The following GOLGA7B variants were observed in gnomAD, a reference collection of about 807,000 sequenced individuals.
GOLGA7B encodes the protein golgin subfamily A member 7B.
GOLGA7B carries 17 observed loss-of-function variants against 21.5 expected under a neutral mutation model. That is an observed-to-expected ratio of 0.79 (90% CI 0.54 to 1.19). The LOEUF is 1.19. GOLGA7B is among the 50% of genes most tolerant of loss of function. The pLI is 0.00. For missense variants in GOLGA7B, 169 were observed against 224.4 expected (o/e 0.75, Z 1.58); for synonymous variants, 87 against 84.0 (o/e 1.04, Z -0.19).
intron 1 of GOLGA7B, among the ~76,000 whole-genome samples, chr10:97,855,766 A>C (rs2049931439): frequency 6.6e-6 from 1 of 152,208 alleles, no homozygotes; most frequent in South Asian, 2.1e-4. Flanking sequence ...ATATTACCAA[A>C]GCATTCCTTA....
intron 1 of GOLGA7B, among the ~76,000 whole-genome samples, chr10:97,850,572 C>T (rs955909093): frequency 1.3e-5 from 2 of 152,210 alleles, no homozygotes; most frequent in Non-Finnish European, 2.9e-5. Flanking sequence ...GCTTCAGGGC[C>T]CCAGGCTGGG....
Position 97,867,759 on chromosome 10 carries a change from G to A in GOLGA7B, c.*2059G>A, listed in dbSNP as rs2050045718. On this transcript the variant is annotated 3_prime_UTR_variant, in exon 5 of 5. Transcript: ENST00000370602. ...CTTGCCCAGCGTGAAGCTCTGTGAT[G>A]CTTTCTCTGCCCCGTGACGATGGAG... The A allele has an allele frequency of 6.6e-6, 1 of 150,628 alleles. No homozygotes were observed. The highest frequency in any genetic ancestry group is 1.5e-5 in the Non-Finnish European group (1 of 67,810). 9.3% of individuals were successfully genotyped at this position (150,628 alleles called of 1,614,324 possible).
At chr10:97,857,858 A>G (rs913502004) in intron 1 of GOLGA7B, among the ~76,000 whole-genome samples, 2 of 152,212 alleles carry the variant, frequency 1.3e-5, no homozygotes, top group South Asian at 4.1e-4. Context: ...CAACATACCT[A>G]TAACCAACTG....
intron 4 of GOLGA7B, 150 bp from the exon 5 acceptor site, chr10:97,865,440 A>G: frequency 1.5e-6 from 2 of 1,331,032 alleles, no homozygotes; most frequent in Non-Finnish European, 2.0e-6. Flanking sequence ...GGGCTTGGGG[A>G]GGGTCTAGCT....
At position 97,869,444 on chromosome 10, in the gene GOLGA7B, C is replaced by T. The variant is rs553624929; in HGVS notation, c.*3744C>T. On this transcript the variant is annotated 3_prime_UTR_variant, in exon 5 of 5. Coordinates refer to ENST00000370602, the MANE Select transcript of GOLGA7B (RefSeq NM_001010917.3). ...GCCCCATCAAGACCCAGGAGCAGCT[C>T]CAGCCTCAGCCAGACTGTCCCCGAG... 2 of 152,796 alleles carry T rather than the reference C, an allele frequency of 1.3e-5. No homozygotes were observed. The highest frequency in any genetic ancestry group is 4.1e-4 in the South Asian group (2 of 4,854). The allele number at this position is 152,796 out of a possible 1,614,324, so 9.5% of individuals were successfully genotyped here.
intron 1 of GOLGA7B, among the ~76,000 whole-genome samples, chr10:97,851,436 A>G (rs1304971761): frequency 2.0e-5 from 3 of 152,164 alleles, no homozygotes; most frequent in Admixed American, 1.3e-4. Context: ...GTTGCTTGGC[A>G]TTGCTTGGCA....
chr10:97,862,779 G>A (rs754849938), intron 2 of GOLGA7B, among the ~76,000 whole-genome samples: 2 of 152,156 alleles, frequency 1.3e-5, no homozygotes, highest in Non-Finnish European at 2.9e-5. Flanking sequence ...AGGGGAGGAT[G>A]TCACGGGGGT....
intron 1 of GOLGA7B, among the ~76,000 whole-genome samples, chr10:97,856,206 G>A (rs986301676): frequency 1.3e-5 from 2 of 152,128 alleles, no homozygotes; most frequent in African/African-American, 4.8e-5. Flanking sequence ...TACCCGATGG[G>A]TAATTTTTTA....
intron 3 of GOLGA7B, 42 bp downstream of exon 3, chr10:97,864,124 T>C (rs1251997254): frequency 3.1e-6 from 5 of 1,613,764 alleles, no homozygotes; most frequent in Non-Finnish European, 4.2e-6. Flanking sequence ...CCCTCAGGGC[T>C]GCCCTGTGGC....
In GOLGA7B at chr10:97,871,001, T is replaced by G. The variant is rs1564870640; in HGVS notation, c.*5301T>G. ...TGGTTTTGAGGAGTCAGTAAGAAAC[T>G]GGCCATGAATGTGCTTGGCATGAAA... On this transcript the variant is annotated 3_prime_UTR_variant, in exon 5 of 5. Transcript: ENST00000370602. The G allele has an allele frequency of 6.6e-6, 1 of 152,216 alleles. No homozygotes were observed. Among genetic ancestry groups the G allele is most frequent in the Non-Finnish European group, 1.5e-5 (1 of 68,028 alleles). 9.4% of individuals were successfully genotyped at this position (152,216 alleles called of 1,614,324 possible).
At chr10:97,855,776 A>G (rs2049931463) in intron 1 of GOLGA7B, among the ~76,000 whole-genome samples, 1 of 152,150 alleles carries the variant, frequency 6.6e-6, no homozygotes, top group Non-Finnish European at 1.5e-5. Context: ...AGCATTCCTT[A>G]TTTCTCCGAG....
rs1172678990 is a variant in GOLGA7B, at chr10:97,850,242, G to C, written c.-62G>C. The C allele has an allele frequency of 7.4e-7, 1 of 1,345,006 alleles. No homozygotes were observed. The highest frequency in any genetic ancestry group is 9.9e-7 in the Non-Finnish European group (1 of 1,013,084). 83.3% of individuals were successfully genotyped at this position (1,345,006 alleles called of 1,614,324 possible). A position where few individuals can be genotyped will look rare whatever the true frequency, so the allele number is the denominator to read the frequency against. ...ACCGCCGCCGCCCACCTGCTCCCGG[G>C]GTCAGCACCGCGGAGACCCCCCTCG... On this transcript the variant is annotated 5_prime_UTR_variant, in exon 1 of 5. Coordinates refer to ENST00000370602, the MANE Select transcript of GOLGA7B (RefSeq NM_001010917.3).
intron 1 of GOLGA7B, 39 bp downstream of exon 1, chr10:97,850,354 GC>G (rs748612854): frequency 6.6e-7 from 1 of 1,505,288 alleles, no homozygotes; most frequent in Non-Finnish European, 8.9e-7. Flanking sequence ...GTGCCCGATT[GC>G]CGCGGGACCA....
intron 2 of GOLGA7B, among the ~76,000 whole-genome samples, chr10:97,862,115 TG>T (rs1457932444): frequency 6.6e-6 from 1 of 152,236 alleles, no homozygotes; most frequent in African/African-American, 2.4e-5. Context: ...CCCGGCTGTC[TG>T]GTGTTACACA....
chr10:97,861,333 A>G (rs2049970048), intron 2 of GOLGA7B, among the ~76,000 whole-genome samples: 1 of 152,240 alleles, frequency 6.6e-6, no homozygotes, highest in Non-Finnish European at 1.5e-5. Flanking sequence ...TTTTGTGGGT[A>G]CAGATCAAAC....
chr10:97,864,347 G>A (rs1418160166), intron 4 of GOLGA7B, 78 bp downstream of exon 4: 38 of 1,248,004 alleles, frequency 3.0e-5, no homozygotes, highest in Non-Finnish European at 3.9e-5. Flanking sequence ...GCCAGGAAAC[G>A]AGGCCACCTT....
chr10:97,859,156 C>G (rs2049954962), intron 1 of GOLGA7B, among the ~76,000 whole-genome samples: 1 of 152,214 alleles, frequency 6.6e-6, no homozygotes, highest in Non-Finnish European at 1.5e-5. Flanking sequence ...TGGACTCCAG[C>G]AATGCTCCCA....
At chr10:97,857,400 CACACAT>C (rs1287157191) in intron 1 of GOLGA7B, among the ~76,000 whole-genome samples, 3 of 150,820 alleles carry the variant, frequency 2.0e-5, no homozygotes, top group African/African-American at 7.3e-5. Context: ...CACACACACA[CACACAT>C]TTAACCAAGG....
rs1385482955 is a variant in GOLGA7B, at chr10:97,867,354, A to G, written c.*1654A>G. ...GAAGATGAAATGAAGGGGGCTGCCT[A>G]TCTCAGTTGGCGGGAGGTGTTAGAA... On this transcript the variant is annotated 3_prime_UTR_variant, in exon 5 of 5. Transcript: ENST00000370602. The G allele has an allele frequency of 1.3e-5, 2 of 152,198 alleles. No homozygotes were observed. Among genetic ancestry groups the G allele is most frequent in the African/African-American group, 2.4e-5 (1 of 41,444 alleles). The allele number at this position is 152,198 out of a possible 1,614,324, so 9.4% of individuals were successfully genotyped here.
Sources: allele counts gnomAD v4.1 joint callset (sites outside exome capture counted in the v4.1 genomes callset), GRCh38; gene constraint gnomAD v4.1.1; transcripts MANE v1.5; gene names NCBI Gene and HGNC (gene_info 2026-07-23, HGNC 2026-07-21).